RBFOX1: variants seen among roughly 807,000 people sequenced by gnomAD.
The protein encoded by RBFOX1 is RNA binding protein fox-1 homolog 1.
RBFOX1 carries 8 observed loss-of-function variants against 57.7 expected under a neutral mutation model. The observed-to-expected ratio is 0.14, with a 90% CI of 0.08 to 0.25. The LOEUF is 0.25. Among genes scored for constraint, RBFOX1 ranks in the 10% least tolerant of loss-of-function variants. The pLI, the probability that RBFOX1 is intolerant of heterozygous loss-of-function variation, is 1.00. For synonymous variants in RBFOX1, 326 were observed against 222.4 expected, an observed-to-expected ratio of 1.47 and a Z score of -4.15; for missense variants, 611 against 548.5, an observed-to-expected ratio of 1.11 and a Z score of -1.14.
chr16:6,483,486 C>G (rs1426843465), intron 2 of RBFOX1: 3 of 1,535,618 alleles, frequency 2.0e-6, no homozygotes, highest in African/African-American at 2.7e-5. Flanking sequence ...ACAGGAGGCA[C>G]TTTGCAGCCG....
intron 4 of RBFOX1, among the ~76,000 whole-genome samples, chr16:5,964,021 C>G (rs1407343823): frequency 6.6e-6 from 1 of 152,170 alleles, no homozygotes; most frequent in Non-Finnish European, 1.5e-5. Context: ...TGATTAATAT[C>G]TGTGTTTTAT....
At chr16:6,952,952 GA>G (rs974846586) in intron 3 of RBFOX1, among the ~76,000 whole-genome samples, 1 of 152,184 alleles carries the variant, frequency 6.6e-6, no homozygotes, top group Admixed American at 6.5e-5. Flanking sequence ...CAGCCTGGGG[GA>G]CAGAGCAAAA....
chr16:6,638,717 C>T lies in RBFOX1; in HGVS notation c.-63-15886C>T, dbSNP rs543809162. Among the ~76,000 whole-genome samples, 10 of 152,182 alleles carry T rather than the reference C, an allele frequency of 6.6e-5. No homozygotes were observed. In the South Asian group the frequency reaches 1.7e-3, roughly 25 times the overall value. On this transcript the variant is annotated intron_variant, in intron 2 of 15. Transcript: ENST00000550418. ...TATTACGAGCACTCATTCCGGAGTA[C>T]AAAAAATTGAGAGGAAAAACAAAAG...
At chr16:7,586,724 C>G (rs1447953026) in intron 6 of RBFOX1, among the ~76,000 whole-genome samples, 1 of 152,178 alleles carries the variant, frequency 6.6e-6, no homozygotes, top group Non-Finnish European at 1.5e-5. Flanking sequence ...ACTGCTGATA[C>G]CATCATGATG....
At chr16:5,323,932 A>G (rs1429045692) in intron 1 of RBFOX1, among the ~76,000 whole-genome samples, 1 of 152,208 alleles carries the variant, frequency 6.6e-6, no homozygotes, top group Non-Finnish European at 1.5e-5. Flanking sequence ...TGTAATTCTG[A>G]CAGAGACGAT....
chr16:5,981,756 G>T, intron 4 of RBFOX1, among the ~76,000 whole-genome samples: 1 of 152,114 alleles, frequency 6.6e-6, no homozygotes, highest in East Asian at 1.9e-4. Context: ...GGTGTGAGCC[G>T]CTGTGCCCGG....
At chr16:6,548,286 C>G (rs948285056) in intron 2 of RBFOX1, among the ~76,000 whole-genome samples, 6 of 152,164 alleles carry the variant, frequency 3.9e-5, no homozygotes, top group Admixed American at 3.9e-4. Flanking sequence ...TGTCCGAGAT[C>G]ATTTGAATCA....
intron 3 of RBFOX1, among the ~76,000 whole-genome samples, chr16:6,738,743 A>G (rs2154180541): frequency 1.3e-5 from 2 of 152,272 alleles, no homozygotes; most frequent in Admixed American, 1.3e-4. Context: ...AGGCCATAAA[A>G]TAGACATCAG....
At chr16:6,848,666 C>T (rs1026372726) in intron 3 of RBFOX1, among the ~76,000 whole-genome samples, 1 of 152,034 alleles carries the variant, frequency 6.6e-6, no homozygotes, top group African/African-American at 2.4e-5. Context: ...GGGAAAAAAG[C>T]AACCTAGGTA....
chr16:5,276,672 A>G (rs1163316764), intron 1 of RBFOX1, among the ~76,000 whole-genome samples: 1 of 152,116 alleles, frequency 6.6e-6, no homozygotes, highest in Non-Finnish European at 1.5e-5. Context: ...AATCCCAGCT[A>G]CTCAGGCGGC....
At position 5,876,089 on chromosome 16, in the gene RBFOX1, C is replaced by T. The variant is rs183945394; in HGVS notation, c.351+8754C>T. ...TGATCTTATGACCTCGTGATCCACC[C>T]GCCTTGGCCTCCCAAAGTGCTGGGA... is the stretch of plus-strand genomic sequence containing the variant. On this transcript the variant is annotated intron_variant, in intron 4 of 19. Transcript: ENST00000641259. Among the ~76,000 whole-genome samples the T allele has an allele frequency of 7.3e-3, 1,104 of 152,202 alleles. 10 individuals are homozygous for T. Among genetic ancestry groups the T allele is most frequent in the Non-Finnish European group, 0.011 (742 of 68,012 alleles).
chr16:6,522,066 C>T (rs577110701), intron 2 of RBFOX1, among the ~76,000 whole-genome samples: 1 of 151,906 alleles, frequency 6.6e-6, no homozygotes, highest in African/African-American at 2.4e-5. Context: ...TAAAAACGTC[C>T]TTGCATCTAG....
At chr16:5,322,630 G>T (rs1207551628) in intron 1 of RBFOX1, among the ~76,000 whole-genome samples, 1 of 152,120 alleles carries the variant, frequency 6.6e-6, no homozygotes, top group African/African-American at 2.4e-5. Context: ...GGACACTGGA[G>T]CCCCCAGTCT....
chr16:6,897,107 A>G (rs139219856), intron 3 of RBFOX1, among the ~76,000 whole-genome samples: 26 of 152,306 alleles, frequency 1.7e-4, no homozygotes, highest in African/African-American at 6.3e-4. Flanking sequence ...GGCTATTTAT[A>G]TTTGGCACAT....
chr16:7,482,082 G>A (rs1412121389), intron 4 of RBFOX1, among the ~76,000 whole-genome samples: 1 of 152,212 alleles, frequency 6.6e-6, no homozygotes, highest in East Asian at 1.9e-4. Context: ...TCCACACCTA[G>A]CAAGGGCTAG....
chr16:7,347,785 T>TTTGC (rs1373131599), intron 4 of RBFOX1, among the ~76,000 whole-genome samples: 1 of 152,170 alleles, frequency 6.6e-6, no homozygotes, highest in Non-Finnish European at 1.5e-5. Context: ...CCCCCATGTA[T>TTTGC]TTGCAGCCCG....
At chr16:6,994,678 C>T in intron 3 of RBFOX1, among the ~76,000 whole-genome samples, 1 of 152,176 alleles carries the variant, frequency 6.6e-6, no homozygotes, top group South Asian at 2.1e-4. Flanking sequence ...TATGCCTCTC[C>T]ACCCGAAAGG....
intron 14 of RBFOX1, among the ~76,000 whole-genome samples, chr16:7,686,974 T>C (rs1295685264): frequency 4.6e-5 from 7 of 152,108 alleles, no homozygotes; most frequent in African/African-American, 1.4e-4. Context: ...TCACAGACCT[T>C]ATCTTCTTTC....
chr16:7,039,208 A>T (rs926572508), intron 3 of RBFOX1, among the ~76,000 whole-genome samples: 1 of 152,206 alleles, frequency 6.6e-6, no homozygotes, highest in African/African-American at 2.4e-5. Flanking sequence ...AGCTTTCAGC[A>T]TTTGGGTTTA....
Sources: gnomAD v4.1 joint callset for allele counts (sites outside exome capture counted in the v4.1 genomes callset) on GRCh38, gnomAD v4.1.1 for gene constraint, MANE v1.5 for transcripts, NCBI Gene and HGNC (gene_info 2026-07-23, HGNC 2026-07-21) for gene names.